SULF1: variants seen among roughly 807,000 people sequenced by gnomAD.
SULF1 encodes sulfatase 1, also known as extracellular sulfatase Sulf-1.
A neutral mutation model predicts 110.5 loss-of-function variants in SULF1; 46 were observed. The ratio of observed to expected loss-of-function variants is 0.42; its 90% CI spans 0.33 to 0.53. The LOEUF is 0.53. Among genes scored for constraint, SULF1 ranks in the 20% least tolerant of loss-of-function variants. SULF1 has a pLI of 0.12. For synonymous variants in SULF1, 371 were observed against 387.1 expected (o/e 0.96, Z 0.49); for missense variants, 941 against 1,094.2 (o/e 0.86, Z 1.98).
chr8:69,566,705 G>A (rs1205910544), intron 5 of SULF1, among the ~76,000 whole-genome samples: 1 of 152,096 alleles, frequency 6.6e-6, no homozygotes, highest in Non-Finnish European at 1.5e-5. Flanking sequence ...ACAAAAATTA[G>A]CCAGGCATGG....
intron 3 of SULF1, among the ~76,000 whole-genome samples, chr8:69,545,801 A>G (rs1275801073): frequency 6.6e-6 from 1 of 152,098 alleles, no homozygotes; most frequent in Non-Finnish European, 1.5e-5. Context: ...GGTTCAAGCA[A>G]TTCTCCTGCC....
In SULF1 at chr8:69,582,151, A is replaced by G. The variant is rs183546011; in HGVS notation, c.413-4206A>G. Among the ~76,000 whole-genome samples the G allele has an allele frequency of 2.5e-3, 377 of 152,334 alleles. 2 individuals are homozygous for G. The highest frequency in any genetic ancestry group is 8.7e-3 in the African/African-American group (363 of 41,568). On this transcript the variant is annotated intron_variant, in intron 6 of 22. Coordinates refer to ENST00000402687, the MANE Select transcript of SULF1 (RefSeq NM_001128205.2). ...GGCAGGAATGACTTGGGGAGAGGAA[A>G]CAAAAAAACCCCAACAATGAAGTAA...
chr8:69,532,901 A>C (rs1344119654), intron 3 of SULF1, among the ~76,000 whole-genome samples: 1 of 152,154 alleles, frequency 6.6e-6, no homozygotes, highest in Admixed American at 6.5e-5. Context: ...TATTCTAGGT[A>C]TCTCATATAA....
chr8:69,646,523 T>G (rs1811925043), intron 22 of SULF1, among the ~76,000 whole-genome samples: 1 of 151,790 alleles, frequency 6.6e-6, no homozygotes, highest in African/African-American at 2.4e-5. Context: ...TCTCCCAGGT[T>G]CAAGCAATTC....
intron 1 of SULF1, among the ~76,000 whole-genome samples, chr8:69,481,622 C>T (rs1461245701): frequency 6.6e-6 from 1 of 152,120 alleles, no homozygotes; most frequent in Non-Finnish European, 1.5e-5. Context: ...CCCAACCACT[C>T]ACCCTATGAC....
chr8:69,501,647 T>C (rs1455192866), intron 2 of SULF1, among the ~76,000 whole-genome samples: 1 of 152,234 alleles, frequency 6.6e-6, no homozygotes, highest in Non-Finnish European at 1.5e-5. Flanking sequence ...AGTCTTTTCC[T>C]TGTTGGAGAA....
In SULF1 at chr8:69,621,036, A is replaced by G. The variant is rs778635976; in HGVS notation, c.1379A>G (p.Lys460Arg). ...YQTACEQPGQKWQCIEDTSGK... is the reference protein window; with the variant it reads ...YQTACEQPGQRWQCIEDTSGK... Reference sequence around the variant, plus strand: ...CTGCTTTCACGTTGGCTTTTGCAGAAGTGGCAATGCATTGAGGATACATCT... The same window carrying G: ...CTGCTTTCACGTTGGCTTTTGCAGAGGTGGCAATGCATTGAGGATACATCT... Residue 460 changes from lysine (K) to arginine (R), a missense_variant and splice_region_variant, in exon 14 of 23, where the codon AAG becomes AGG. This residue lies in a region of SULF1 where 822 missense variants were observed against 934.3 expected (regional missense o/e 0.88). Transcript: ENST00000402687. 2.5e-6 allele frequency: 4 copies of G among 1,593,286 alleles called. No homozygotes were observed. Among genetic ancestry groups the G allele is most frequent in the Middle Eastern group, 1.7e-4 (1 of 5,986 alleles).
At chr8:69,468,011 A>G (rs1484185747) in intron 1 of SULF1, among the ~76,000 whole-genome samples, 1 of 152,224 alleles carries the variant, frequency 6.6e-6, no homozygotes, top group Non-Finnish European at 1.5e-5. Flanking sequence ...CTTTCAATTC[A>G]GGCTCTATTT....
chr8:69,638,614 G>A lies in SULF1; in HGVS notation c.2397G>A (p.Glu799=), dbSNP rs1811233655. 6.2e-7 allele frequency: 1 copy of A among 1,613,760 alleles called. No individual in the cohort carries two copies. Among genetic ancestry groups the A allele is most frequent in the South Asian group, 1.1e-5 (1 of 91,018 alleles). The stretch of plus-strand genomic sequence containing the variant: ...GTGAGTTTGCTACTGGCTTTTTGGA[G>A]TATTTTGATATGAATACAGATCCTT... ...LFCEFATGFL[E]YFDMNTDPYQ... Residue 799 remains glutamate, a synonymous_variant, in exon 20 of 23, where the codon GAG becomes GAA. Transcript: ENST00000402687.
intron 22 of SULF1, chr8:69,642,384 A>T (rs1299933064): frequency 8.3e-5 from 82 of 986,952 alleles, no homozygotes; most frequent in Non-Finnish European, 9.6e-5. Flanking sequence ...ACTTTTGGGT[A>T]TATGTTATAG....
chr8:69,660,392 C>CA lies in SULF1; in HGVS notation c.*1861dup, dbSNP rs1404393260. 2.6e-5 allele frequency: 4 copies of CA among 152,342 alleles called. No individual in the cohort carries two copies. Among genetic ancestry groups the CA allele is most frequent in the Non-Finnish European group, 4.4e-5 (3 of 68,006 alleles). 9.4% of individuals were successfully genotyped at this position (152,342 alleles called of 1,614,324 possible). ...TCTGATATCTTTTAAAGACATAGTTCAAAATTGCTTTTGAAAATCTGTATT... is the reference window on the plus strand; with the variant it reads ...TCTGATATCTTTTAAAGACATAGTTCAAAAATTGCTTTTGAAAATCTGTATT... On this transcript the variant is annotated 3_prime_UTR_variant, in exon 23 of 23. Transcript: ENST00000402687.
At chr8:69,500,963 C>T (rs911137484) in intron 2 of SULF1, among the ~76,000 whole-genome samples, 1 of 152,042 alleles carries the variant, frequency 6.6e-6, no homozygotes, top group Non-Finnish European at 1.5e-5. Flanking sequence ...TGGGGCTTAA[C>T]CTGACTCGCC....
intron 18 of SULF1, 40 bp from the exon 19 acceptor site, chr8:69,629,464 G>A: frequency 1.3e-6 from 2 of 1,558,776 alleles, no homozygotes; most frequent in Non-Finnish European, 1.7e-6. Context: ...TTGAGAAAGT[G>A]CCTTCTGAAC....
intron 3 of SULF1, among the ~76,000 whole-genome samples, chr8:69,533,071 T>C (rs1563504875): frequency 6.6e-6 from 1 of 152,200 alleles, no homozygotes; most frequent in African/African-American, 2.4e-5. Flanking sequence ...TTGCCTCTAA[T>C]AGTTTTCTGT....
chr8:69,532,132 T>C lies in SULF1; in HGVS notation c.-134+30164T>C, dbSNP rs116512314. On this transcript the variant is annotated intron_variant, in intron 3 of 22. Transcript: ENST00000402687. ...AAGAACGTTGAGAAACAAACCTTCA[T>C]GGCTATTCTTCGTTAAATAAAGTAG... is the stretch of plus-strand genomic sequence containing the variant. 2.9e-3 allele frequency among the ~76,000 whole-genome samples: 446 copies of C among 152,318 alleles called. 5 individuals carry two copies. The highest frequency in any genetic ancestry group is 0.011 in the African/African-American group (438 of 41,576).
rs187755970 is a variant in SULF1 at position 69,516,463 on chromosome 8, A to T, written c.-134+14495A>T. Among the ~76,000 whole-genome samples, 112 of 152,268 alleles carry T rather than the reference A, an allele frequency of 7.4e-4. No individual in the cohort carries two copies. In the East Asian group the frequency reaches 0.017, roughly 23 times the overall value. On this transcript the variant is annotated intron_variant, in intron 3 of 22. Transcript: ENST00000402687. ...AAGAGGGAAATCCACCCCCATGATC[A>T]AATTACCGCCTACCAGGCCCCAGCT...
At chr8:69,496,734 A>T (rs2150563860) in intron 2 of SULF1, among the ~76,000 whole-genome samples, 1 of 152,292 alleles carries the variant, frequency 6.6e-6, no homozygotes, top group East Asian at 1.9e-4. Context: ...CTACACCCTC[A>T]CAATCTTTTT....
In SULF1 at chr8:69,660,112, C is replaced by G. The variant is rs1055721536; in HGVS notation, c.*1577C>G. On this transcript the variant is annotated 3_prime_UTR_variant, in exon 23 of 23. Coordinates refer to ENST00000402687, the MANE Select transcript of SULF1 (RefSeq NM_001128205.2). ...TCAAAGCGTTCATCATACATCATAC[C>G]TTTAAGATTGCTATATTTTGGGTTA... The G allele has an allele frequency of 6.6e-6, 1 of 152,456 alleles. No homozygotes were observed. The highest frequency in any genetic ancestry group is 2.4e-5 in the African/African-American group (1 of 41,422). The allele number at this position is 152,456 out of a possible 1,614,324, so 9.4% of individuals were successfully genotyped here.
chr8:69,528,589 C>T (rs899226423), intron 3 of SULF1, among the ~76,000 whole-genome samples: 3 of 152,152 alleles, frequency 2.0e-5, no homozygotes, highest in Admixed American at 6.5e-5. Context: ...TCTAAAATTT[C>T]GCTTTTATAA....
Sources: gnomAD v4.1 joint callset for allele counts (sites outside exome capture counted in the v4.1 genomes callset) on GRCh38, gnomAD v4.1.1 for gene constraint, gnomAD v4.1.1 regional missense constraint, MANE v1.5 for transcripts, NCBI Gene and HGNC (gene_info 2026-07-23, HGNC 2026-07-21) for gene names.